The following CHAF1A variants were observed in gnomAD, a reference collection of about 807,000 sequenced individuals.
CHAF1A encodes CAF-1 subunit A.
CHAF1A carries 5 observed loss-of-function variants against 93.2 expected under a neutral mutation model. That is an observed-to-expected ratio of 0.05 (90% confidence interval 0.03 to 0.11). CHAF1A has a LOEUF of 0.11. Among genes scored for constraint, CHAF1A ranks in the 10% least tolerant of loss-of-function variants. The probability of loss-of-function intolerance (pLI) is 1.00; values close to 1 mark genes in which losing one functional copy is unlikely to be tolerated. For synonymous variants in CHAF1A, 504 were observed against 510.3 expected (o/e 0.99, Z 0.17); for missense variants, 1,102 against 1,259.9 (o/e 0.87, Z 1.90).
downstream of CHAF1A, chr19:4,446,267 C>A: frequency 6.4e-7 from 1 of 1,569,180 alleles, no homozygotes; most frequent in Non-Finnish European, 8.6e-7. Flanking sequence ...CCTCCACGGG[C>A]ATCGTTGGTG....
At chr19:4,439,196 C>T (rs1974341729) in intron 13 of CHAF1A, among the ~76,000 whole-genome samples, 2 of 150,772 alleles carry the variant, frequency 1.3e-5, no homozygotes, top group African/African-American at 4.9e-5. Flanking sequence ...AGGAGAATCA[C>T]TTGAACTCAG....
chr19:4,420,434 G>T (rs922000846), intron 4 of CHAF1A, among the ~76,000 whole-genome samples: 1 of 152,058 alleles, frequency 6.6e-6, no homozygotes, highest in Non-Finnish European at 1.5e-5. Flanking sequence ...GTAGAGACGG[G>T]GTTTCACCAT....
intron 7 of CHAF1A, among the ~76,000 whole-genome samples, chr19:4,425,286 T>C (rs1190248226): frequency 6.6e-6 from 1 of 152,214 alleles, no homozygotes; most frequent in Non-Finnish European, 1.5e-5. Context: ...AGTATTGCTC[T>C]GTCACCCATG....
In CHAF1A at chr19:4,409,563, C is replaced by A. The variant is rs1973752298; in HGVS notation, c.764C>A (p.Ser255Tyr). ...GCTGTGAGACCACCGCAAATCAAGT[C>A]CCTTCCAGCCACACCCCAAGGCAAG... ...ILAVRPPQIK[S>Y]LPATPQGKNM... The change falls in exon 3 of 15, where the codon TCC becomes TAC. Residue 255 changes from serine (S) to tyrosine (Y), a missense_variant. Transcript: ENST00000301280. The A allele has an allele frequency of 6.2e-7, 1 of 1,613,976 alleles. No individual in the cohort carries two copies. Among genetic ancestry groups the A allele is most frequent in the Admixed American group, 1.7e-5 (1 of 59,988 alleles).
chr19:4,425,941 T>G (rs1371529333), intron 7 of CHAF1A, among the ~76,000 whole-genome samples: 1 of 152,214 alleles, frequency 6.6e-6, no homozygotes, highest in East Asian at 1.9e-4. Context: ...AAATTGACAT[T>G]GTTTTACTTT....
At chr19:4,407,101 C>T (rs931485983) in intron 2 of CHAF1A, among the ~76,000 whole-genome samples, 1 of 152,034 alleles carries the variant, frequency 6.6e-6, no homozygotes. Flanking sequence ...CACCTGTAGT[C>T]CCAGCTACTC....
rs1219488342 is a variant in CHAF1A at position 4,405,601 on chromosome 19, C to CT, written c.53-310dup. On this transcript the variant is annotated intron_variant, in intron 1 of 14. Coordinates refer to ENST00000301280, the MANE Select transcript of CHAF1A (RefSeq NM_005483.3). ...CCAGCCTGGGCGACAGAGTGAGACT[C>CT]TGTCTCCAAAAAAAAAAAAAAAATT... Among the ~76,000 whole-genome samples, 5 of 146,788 alleles carry CT rather than the reference C, an allele frequency of 3.4e-5. No individual in the cohort carries two copies. The Admixed American group carries it at 3.4e-4, about 10-fold the overall frequency.
chr19:4,423,457 G>C, intron 6 of CHAF1A, 62 bp downstream of exon 6: 1 of 1,608,414 alleles, frequency 6.2e-7, no homozygotes, highest in Admixed American at 1.7e-5. Context: ...TGCCCAAAGT[G>C]GAATTCTTGC....
intron 2 of CHAF1A, among the ~76,000 whole-genome samples, chr19:4,406,797 T>C (rs995633987): frequency 6.6e-6 from 1 of 152,150 alleles, no homozygotes; most frequent in Non-Finnish European, 1.5e-5. Context: ...CAGTGTTGCA[T>C]ACCTGTAAAA....
chr19:4,433,235 C>T lies in CHAF1A; in HGVS notation c.2369C>T (p.Ala790Val), dbSNP rs1417252827. The change falls in exon 13 of 15, where the codon GCC (alanine) becomes GTC (valine). Residue 790 changes from alanine (A) to valine (V), a missense_variant. By Grantham distance (64) the Ala-to-Val change is moderately conservative. This residue lies in a region of CHAF1A where 76 missense variants were observed against 129.8 expected (regional missense o/e 0.59). Transcript: ENST00000301280. This position sits in a 1 kb window ranked among gnomAD's most constrained non-coding sequence, Gnocchi z 5.6. ...CACACCCCCACCCCCAGCGAGGATGCCGCCATCCCCTCTAAGTCCCGGCTC... is the reference window on the plus strand; with the variant it reads ...CACACCCCCACCCCCAGCGAGGATGTCGCCATCCCCTCTAAGTCCCGGCTC... The part of the protein sequence containing the change: ...YLHTPTPSED[A>V]AIPSKSRLKR... The T allele has an allele frequency of 3.1e-6, 5 of 1,614,194 alleles. No individual in the cohort carries two copies. Among genetic ancestry groups the T allele is most frequent in the Non-Finnish European group, 4.2e-6 (5 of 1,180,026 alleles).
chr19:4,431,424 C>T (rs1216910497), intron 11 of CHAF1A, among the ~76,000 whole-genome samples: 6 of 152,192 alleles, frequency 3.9e-5, no homozygotes, highest in Non-Finnish European at 5.9e-5. Flanking sequence ...CCACCGAGCC[C>T]GGCAGGAACT....
chr19:4,442,878 C>A, intron 14 of CHAF1A, 47 bp from the exon 15 acceptor site: 1 of 1,405,940 alleles, frequency 7.1e-7, no homozygotes. Context: ...CCCCAGGGAG[C>A]CCAGAGGGCC....
chr19:4,448,433 G>A (rs1384289891), downstream of CHAF1A: 3 of 1,592,404 alleles, frequency 1.9e-6, no homozygotes, highest in African/African-American at 2.7e-5. Context: ...GAGGGAAGCA[G>A]GGAAAGCCAC....
chr19:4,440,904 G>T (rs1650384254), intron 13 of CHAF1A, among the ~76,000 whole-genome samples: 1 of 151,474 alleles, frequency 6.6e-6, no homozygotes, highest in Admixed American at 6.6e-5. Context: ...CGAATCCTGA[G>T]GTCAGGAGTT....
At chr19:4,448,109 C>T, downstream of CHAF1A, 1 of 596,766 alleles carries the variant, frequency 1.7e-6, no homozygotes, top group Non-Finnish European at 3.0e-6. Context: ...CCTTCAACAC[C>T]TTCATTTTGC....
At position 4,402,649 on chromosome 19, in the gene CHAF1A, GCGCGGCGGC is replaced by G. The variant is rs1318072815; in HGVS notation, c.-104_-96del. 25 of 507,170 alleles carry G rather than the reference GCGCGGCGGC, an allele frequency of 4.9e-5. No homozygotes were observed. The East Asian group carries it at 9.9e-4, about 20-fold the overall frequency. 31.4% of individuals were successfully genotyped at this position (507,170 alleles called of 1,614,324 possible). On this transcript the variant is annotated 5_prime_UTR_variant, in exon 1 of 15. Coordinates refer to ENST00000301280, the MANE Select transcript of CHAF1A (RefSeq NM_005483.3). ...TCGCCGCGGTTCCCGCCAAATACGAGCGCGGCGGCCGCGGCGGCAGCAGCGGCGCGGGCG... is the reference window on the plus strand; with the variant it reads ...TCGCCGCGGTTCCCGCCAAATACGAGCGCGGCGGCAGCAGCGGCGCGGGCG...
chr19:4,425,501 A>C (rs1454371623), intron 7 of CHAF1A, among the ~76,000 whole-genome samples: 1 of 152,026 alleles, frequency 6.6e-6, no homozygotes, highest in Non-Finnish European at 1.5e-5. Context: ...TGATCTGCCC[A>C]TCTCAGCCTC....
intron 11 of CHAF1A, chr19:4,430,870 C>A: frequency 1.9e-6 from 1 of 536,678 alleles, no homozygotes; most frequent in African/African-American, 1.9e-5. Context: ...GCCATAGGAG[C>A]AGACACCCTG....
chr19:4,411,661 T>TTTTTTTTTTTTTTTTTTTC, intron 3 of CHAF1A, among the ~76,000 whole-genome samples: 1 of 140,218 alleles, frequency 7.1e-6, no homozygotes, highest in Non-Finnish European at 1.6e-5. Context: ...TTTTTTTTTT[T>TTTTTTTTTTTTTTTTTTTC]TTTTGAGACA....
Sources: allele counts gnomAD v4.1 joint callset (sites outside exome capture counted in the v4.1 genomes callset), GRCh38; gene constraint gnomAD v4.1.1; regional missense constraint gnomAD v4.1.1; non-coding constraint Gnocchi (gnomAD v3.1); transcripts MANE v1.5; gene names NCBI Gene and HGNC (gene_info 2026-07-23, HGNC 2026-07-21).